The following PRKD1 variants were observed in gnomAD, a reference collection of about 807,000 sequenced individuals.
PRKD1 encodes serine/threonine-protein kinase D1.
In PRKD1, 63 loss-of-function variants were observed where a neutral mutation model predicts 95.9. The observed-to-expected ratio is 0.66, with a 90% CI of 0.54 to 0.81. The LOEUF is 0.81. Among genes scored for constraint, PRKD1 ranks in the 30% least tolerant of loss-of-function variants. The pLI, the probability that PRKD1 is intolerant of heterozygous loss-of-function variation, is 0.00. For synonymous variants in PRKD1, 425 were observed against 423.1 expected, an observed-to-expected ratio of 1.00 and a Z score of -0.05; for missense variants, 1,048 against 1,165.3, an observed-to-expected ratio of 0.90 and a Z score of 1.47.
intron 13 of PRKD1, among the ~76,000 whole-genome samples, chr14:29,600,694 C>T (rs1040085167): frequency 2.0e-5 from 3 of 152,084 alleles, no homozygotes; most frequent in Admixed American, 6.6e-5. Context: ...AAATCCCATG[C>T]GGATACCAAG....
chr14:29,789,542 G>A (rs548708478), intron 1 of PRKD1, among the ~76,000 whole-genome samples: 1 of 152,250 alleles, frequency 6.6e-6, no homozygotes, highest in East Asian at 1.9e-4. Flanking sequence ...TCAGTGGCTT[G>A]GGCTGTCGTG....
At chr14:29,633,725 G>A (rs188202531) in intron 8 of PRKD1, among the ~76,000 whole-genome samples, 5 of 152,042 alleles carry the variant, frequency 3.3e-5, no homozygotes, top group Admixed American at 6.6e-5. Context: ...AGAACTAGGC[G>A]GTATTCAATT....
chr14:29,919,840 T>A (rs1303687621), intron 1 of PRKD1, among the ~76,000 whole-genome samples: 1 of 151,972 alleles, frequency 6.6e-6, no homozygotes, highest in African/African-American at 2.4e-5. Context: ...GTGGCACATA[T>A]CTGTAGTCTC....
At chr14:29,672,214 G>A (rs1438840455) in intron 2 of PRKD1, among the ~76,000 whole-genome samples, 1 of 152,038 alleles carries the variant, frequency 6.6e-6, no homozygotes, top group African/African-American at 2.4e-5. Flanking sequence ...GGTGGTGGGT[G>A]CCTGTAGTCC....
intron 1 of PRKD1, among the ~76,000 whole-genome samples, chr14:29,839,516 T>C (rs1175132734): frequency 1.3e-5 from 2 of 152,110 alleles, no homozygotes; most frequent in African/African-American, 4.8e-5. Flanking sequence ...GGATCTACCA[T>C]TTGGGGGTCT....
At chr14:29,787,077 T>C (rs1259312599) in intron 1 of PRKD1, among the ~76,000 whole-genome samples, 1 of 152,104 alleles carries the variant, frequency 6.6e-6, no homozygotes, top group Non-Finnish European at 1.5e-5. Flanking sequence ...TCTTTATTTC[T>C]TCATTGACTC....
At chr14:29,875,449 G>C (rs1340685721) in intron 1 of PRKD1, among the ~76,000 whole-genome samples, 1 of 152,116 alleles carries the variant, frequency 6.6e-6, no homozygotes, top group Non-Finnish European at 1.5e-5. Flanking sequence ...CATGAAAACA[G>C]GTAATTTATT....
intron 1 of PRKD1, among the ~76,000 whole-genome samples, chr14:29,776,641 A>G (rs1888770741): frequency 6.6e-6 from 1 of 152,228 alleles, no homozygotes; most frequent in Non-Finnish European, 1.5e-5. Context: ...ATATGGAACT[A>G]TGTGAAAAGA....
intron 1 of PRKD1, among the ~76,000 whole-genome samples, chr14:29,836,088 G>A (rs565874796): frequency 1.3e-5 from 2 of 152,296 alleles, no homozygotes; most frequent in South Asian, 2.1e-4. Flanking sequence ...CATCACAGAG[G>A]AGGTGACATG....
intron 15 of PRKD1, 83 bp downstream of exon 15, chr14:29,598,944 A>G: frequency 8.6e-7 from 1 of 1,166,870 alleles, no homozygotes; most frequent in South Asian, 1.3e-5. Context: ...GTTTTAAGGG[A>G]AAAATGGAAG....
chr14:29,927,503 G>C lies in PRKD1; in HGVS notation c.10C>G (p.Pro4Ala). MSAPPVLRPPSPLL... is the reference protein window; with the variant it reads MSAAPVLRPPSPLL... ...GGACTGGGCGGCCGCAGGACCGGAG[G>C]GGCGCTCATCGCTCGGCGGGGCGCA... Residue 4 changes from proline (P) to alanine (A), a missense_variant, in exon 1 of 18, where the codon CCT (proline) becomes GCT (alanine). Coordinates refer to ENST00000331968, the MANE Select transcript of PRKD1 (RefSeq NM_002742.3). 1 of 1,200,860 alleles carries C rather than the reference G, an allele frequency of 8.3e-7. No homozygotes were observed. The highest frequency in any genetic ancestry group is 4.0e-5 in the South Asian group (1 of 24,962). The allele number at this position is 1,200,860 out of a possible 1,614,324, so 74.4% of individuals were successfully genotyped here.
chr14:29,599,208 A>C (rs1034834434), intron 14 of PRKD1, 83 bp from the exon 15 acceptor site: 3 of 1,146,830 alleles, frequency 2.6e-6, no homozygotes, highest in Non-Finnish European at 2.6e-6. Context: ...AAGAAAAAAA[A>C]CTGACAATGG....
At chr14:29,759,748 G>A (rs987222133) in intron 1 of PRKD1, among the ~76,000 whole-genome samples, 1 of 152,166 alleles carries the variant, frequency 6.6e-6, no homozygotes. Flanking sequence ...GGCATTGTGC[G>A]CAGTAAGTCA....
intron 1 of PRKD1, among the ~76,000 whole-genome samples, chr14:29,917,027 C>A (rs890109267): frequency 2.0e-5 from 3 of 151,980 alleles, no homozygotes; most frequent in African/African-American, 7.3e-5. Context: ...CATTTCTGAA[C>A]AATGTGAGGA....
At chr14:29,912,879 C>A (rs1894769016) in intron 1 of PRKD1, among the ~76,000 whole-genome samples, 1 of 152,200 alleles carries the variant, frequency 6.6e-6, no homozygotes, top group African/African-American at 2.4e-5. Context: ...TCAAAGCAGG[C>A]TTTTCTGTTT....
chr14:29,671,603 G>GA (rs35675113), intron 2 of PRKD1, among the ~76,000 whole-genome samples: 64,809 of 151,486 alleles, frequency 0.43, 14,277 homozygotes, highest in African/African-American at 0.52. Flanking sequence ...TAAACTAAAA[G>GA]AAAAAAAATA....
At position 29,577,069 on chromosome 14, in the gene PRKD1, G is replaced by A. The variant is rs1594331719; in HGVS notation, c.*169C>T. 7 of 696,924 alleles carry A rather than the reference G, an allele frequency of 1.0e-5. No individual in the cohort carries two copies. Among genetic ancestry groups the A allele is most frequent in the East Asian group, 8.2e-5 (3 of 36,612 alleles). The allele number at this position is 696,924 out of a possible 1,614,324, so 43.2% of individuals were successfully genotyped here. On this transcript the variant is annotated 3_prime_UTR_variant, in exon 18 of 18. Transcript: ENST00000331968. ...ACAGTTGGTCACACAAAATACAAAT[G>A]CTTCTGTTGATTTGTCTTGGCAACT...
intron 1 of PRKD1, among the ~76,000 whole-genome samples, chr14:29,916,220 C>T (rs186796170): frequency 6.6e-6 from 1 of 152,204 alleles, no homozygotes; most frequent in Non-Finnish European, 1.5e-5. Flanking sequence ...TGAAGTTGCT[C>T]TTTGGAGCTC....
chr14:29,664,135 G>T (rs1882348379), intron 3 of PRKD1, among the ~76,000 whole-genome samples: 1 of 152,066 alleles, frequency 6.6e-6, no homozygotes, highest in African/African-American at 2.4e-5. Flanking sequence ...AAGGGATATA[G>T]AAATTAACTC....
Sources: allele counts gnomAD v4.1 joint callset (sites outside exome capture counted in the v4.1 genomes callset), GRCh38; gene constraint gnomAD v4.1.1; transcripts MANE v1.5; gene names NCBI Gene and HGNC (gene_info 2026-07-23, HGNC 2026-07-21).